Variants in DNAH17 observed in about 807,000 individuals in gnomAD.
DNAH17 encodes the protein dynein axonemal heavy chain 17.
A neutral mutation model predicts 485.6 loss-of-function variants in DNAH17; 376 were observed. The observed-to-expected ratio is 0.77, with a 90% CI of 0.71 to 0.84. The LOEUF (loss-of-function observed/expected upper bound fraction) is 0.84. DNAH17 is among the 40% of genes least tolerant of loss of function. DNAH17 has a pLI of 0.00. For missense variants in DNAH17, 6,370 were observed against 5,839.3 expected, an observed-to-expected ratio of 1.09 and a Z score of -2.96; for synonymous variants, 3,031 against 2,405.9, an observed-to-expected ratio of 1.26 and a Z score of -7.60.
At chr17:78,426,655 C>T (rs539900917) in intron 78 of DNAH17, 55 bp from the exon 79 acceptor site, 2 of 1,546,770 alleles carry the variant, frequency 1.3e-6, no homozygotes, top group Admixed American at 2.0e-5. Flanking sequence ...TGGGAGAGCA[C>T]CAGCCCCAGT....
Position 78,427,026 on chromosome 17 carries a change from T to G in DNAH17, c.12671A>C (p.Lys4224Thr). The change falls in exon 78 of 81, where the codon AAG becomes ACG. Residue 4224 changes from lysine (K) to threonine (T), a missense_variant. By Grantham distance (78) the Lys-to-Thr change is moderately conservative. Coordinates refer to ENST00000389840, the MANE Select transcript of DNAH17 (RefSeq NM_173628.4). ...AAAGGCGACTACCACGTAGGGGGTC[T>G]TTTCCGCTGCCTTTGCCATGATCTC... is the stretch of plus-strand genomic sequence containing the variant. ...MAEIMAKAAE[K>T]TPYVVVAFQE... 6.2e-7 allele frequency: 1 copy of G among 1,605,978 alleles called. No homozygotes were observed. The highest frequency in any genetic ancestry group is 8.5e-7 in the Non-Finnish European group (1 of 1,176,042).
intron 51 of DNAH17, among the ~76,000 whole-genome samples, chr17:78,477,580 T>C (rs1279171218): frequency 6.6e-6 from 1 of 152,140 alleles, no homozygotes; most frequent in East Asian, 1.9e-4. Context: ...GGTTTCACCA[T>C]GTTGGCCAGG....
chr17:78,454,598 G>A lies in DNAH17; in HGVS notation c.10278C>T (p.Thr3426=), dbSNP rs748286323. ...NQGLPSDRMS[T]ENATILGNTE... is the part of the protein sequence containing the mutation. ...TGTTGCCCAGGATGGTGGCATTCTCGGTGGACATGCGGTCGCTGGGGAGGC... is the reference window on the plus strand; with the variant it reads ...TGTTGCCCAGGATGGTGGCATTCTCAGTGGACATGCGGTCGCTGGGGAGGC... Residue 3426 remains threonine (T), a synonymous_variant, in exon 64 of 81, where the codon ACC becomes ACT. Transcript: ENST00000389840. 36 of 1,612,880 alleles carry A rather than the reference G, an allele frequency of 2.2e-5. 1 individual carries two copies. The highest frequency in any genetic ancestry group is 3.3e-4 in the Middle Eastern group (2 of 6,084).
rs565071886 is a variant in DNAH17 at position 78,521,387 on chromosome 17, C to T, written c.3864+3622G>A. 4.7e-4 allele frequency among the ~76,000 whole-genome samples: 72 copies of T among 152,156 alleles called. 1 individual carries two copies. The South Asian group carries it at 0.015, about 31-fold the overall frequency. On this transcript the variant is annotated intron_variant, in intron 25 of 80. Transcript: ENST00000389840. ...CACCACAGCACTCCAGCCTGGGTGA[C>T]AAGAGCGACACTCCATCTCAAAGAA...
At chr17:78,525,218 C>T (rs2091035990) in intron 24 of DNAH17, 57 bp from the exon 25 acceptor site, 2 of 1,578,800 alleles carry the variant, frequency 1.3e-6, no homozygotes, top group South Asian at 2.3e-5. Context: ...GTGCCCCACC[C>T]CACTCCCCGA....
rs768189520 is a variant in DNAH17 at position 78,502,625 on chromosome 17, T to C, written c.5156A>G (p.Tyr1719Cys). 1 of 1,613,426 alleles carries C rather than the reference T, an allele frequency of 6.2e-7. No individual in the cohort carries two copies. The highest frequency in any genetic ancestry group is 8.5e-7 in the Non-Finnish European group (1 of 1,179,890). The change falls in exon 33 of 81, where the codon TAT becomes TGT. Residue 1719 changes from tyrosine to cysteine, a missense_variant. Transcript: ENST00000389840. ...GTTATAATCTCTGATAGCGTTTTCATAGCCTTCCTCCAGCCTGGCAAATGC... is the reference window on the plus strand; with the variant it reads ...GTTATAATCTCTGATAGCGTTTTCACAGCCTTCCTCCAGCCTGGCAAATGC... ...GLAFARLEEG[Y>C]ENAIRDYNKK...
At chr17:78,439,963 G>T (rs2087005024) in intron 72 of DNAH17, among the ~76,000 whole-genome samples, 1 of 151,396 alleles carries the variant, frequency 6.6e-6, no homozygotes, top group Non-Finnish European at 1.5e-5. Context: ...AGCCACTGTG[G>T]CTGGCCTCAC....
chr17:78,444,066 C>T (rs1366002904), intron 71 of DNAH17, among the ~76,000 whole-genome samples: 1 of 152,182 alleles, frequency 6.6e-6, no homozygotes, highest in Non-Finnish European at 1.5e-5. Flanking sequence ...CAGAACAGTT[C>T]TCTTGCAAAC....
At chr17:78,428,392 C>T in intron 77 of DNAH17, 133 bp downstream of exon 77, 3 of 1,146,156 alleles carry the variant, frequency 2.6e-6, no homozygotes, top group South Asian at 2.7e-5. Context: ...GTTTCTGATA[C>T]CCAAGCCCAA....
rs781731920 is a variant in DNAH17, at chr17:78,577,153, C to T, written c.-26+142G>A. The T allele has an allele frequency of 9.0e-4, 137 of 152,480 alleles. 1 individual carries two copies. Among genetic ancestry groups the T allele is most frequent in the Non-Finnish European group, 1.7e-3 (118 of 68,212 alleles). 9.4% of individuals were successfully genotyped at this position (152,480 alleles called of 1,614,324 possible). On this transcript the variant is annotated intron_variant, in intron 1 of 80. Coordinates refer to ENST00000389840, the MANE Select transcript of DNAH17 (RefSeq NM_173628.4). ...GGGTCCCAGAGCCATGAACAGCTCC[C>T]GGTGGCGAGCAGAGCCACTTCTGGG...
intron 72 of DNAH17, among the ~76,000 whole-genome samples, chr17:78,440,450 G>T (rs1177427251): frequency 6.6e-6 from 1 of 151,750 alleles, no homozygotes; most frequent in Non-Finnish European, 1.5e-5. Flanking sequence ...TGTAGAGACG[G>T]GGTTTTGCCA....
intron 36 of DNAH17, 126 bp from the exon 37 acceptor site, chr17:78,499,238 AT>A: frequency 1.6e-6 from 1 of 637,360 alleles, no homozygotes; most frequent in Non-Finnish European, 2.6e-6. Flanking sequence ...GCCCCGGTGC[AT>A]TGGAGCCTTC....
chr17:78,574,647 A>G, intron 2 of DNAH17, 66 bp downstream of exon 2: 1 of 1,405,168 alleles, frequency 7.1e-7, no homozygotes, highest in South Asian at 1.3e-5. Context: ...GAGCAGCAGG[A>G]CTCAAGGCCG....
At chr17:78,543,315 G>A (rs1199093494) in intron 17 of DNAH17, among the ~76,000 whole-genome samples, 3 of 141,478 alleles carry the variant, frequency 2.1e-5, no homozygotes, top group South Asian at 2.2e-4. Flanking sequence ...ACGGAGTCTC[G>A]CTCTGTCGCC....
In DNAH17 at chr17:78,536,658, G is replaced by A. The variant is rs1490810330; in HGVS notation, c.2859+641C>T. On this transcript the variant is annotated intron_variant, in intron 19 of 80. Coordinates refer to ENST00000389840, the MANE Select transcript of DNAH17 (RefSeq NM_173628.4). The stretch of plus-strand genomic sequence containing the variant: ...ATTGAACCACTGCACTCCAGCCTGG[G>A]TGACAGAGTGAGACCTTGTCTCAAA... Among the ~76,000 whole-genome samples the A allele has an allele frequency of 5.3e-5, 8 of 152,086 alleles. No homozygotes were observed. The South Asian group carries it at 1.2e-3, about 24-fold the overall frequency.
intron 65 of DNAH17, among the ~76,000 whole-genome samples, chr17:78,452,856 A>G (rs1270461270): frequency 6.6e-6 from 1 of 152,246 alleles, no homozygotes; most frequent in African/African-American, 2.4e-5. Context: ...AGAGCAGAGT[A>G]GTGGATGTTA....
chr17:78,442,717 C>T (rs2087121360), intron 71 of DNAH17, among the ~76,000 whole-genome samples: 1 of 152,206 alleles, frequency 6.6e-6, no homozygotes, highest in African/African-American at 2.4e-5. Context: ...TTCAGCAGAC[C>T]CCGGCAACTA....
chr17:78,543,352 G>A (rs1299628701), intron 17 of DNAH17, among the ~76,000 whole-genome samples: 2 of 150,934 alleles, frequency 1.3e-5, no homozygotes, highest in Non-Finnish European at 3.0e-5. Context: ...TTGCAGTGGC[G>A]CAATCTTGGC....
chr17:78,561,166 G>A (rs542759154), intron 12 of DNAH17, among the ~76,000 whole-genome samples: 9 of 152,094 alleles, frequency 5.9e-5, no homozygotes, highest in African/African-American at 9.7e-5. Context: ...AACCCACGCA[G>A]CAACTGGCTC....
Sources: gnomAD v4.1 joint callset for allele counts (sites outside exome capture counted in the v4.1 genomes callset) on GRCh38, gnomAD v4.1.1 for gene constraint, MANE v1.5 for transcripts, NCBI Gene and HGNC (gene_info 2026-07-23, HGNC 2026-07-21) for gene names.